The following EFHD2 variants were observed in gnomAD, a reference collection of about 807,000 sequenced individuals.
The protein encoded by EFHD2 is EF-hand domain family member D2.
A neutral mutation model predicts 20.3 loss-of-function variants in EFHD2; 12 were observed. That is an observed-to-expected ratio of 0.59 (90% CI 0.38 to 0.96). The LOEUF (loss-of-function observed/expected upper bound fraction) is 0.96. Ranked by LOEUF, EFHD2 falls within the 40% of genes least tolerant of loss-of-function variation. EFHD2 has a pLI of 0.00. For synonymous variants in EFHD2, 131 were observed against 143.9 expected (o/e 0.91, Z 0.64); for missense variants, 250 against 334.3 (o/e 0.75, Z 1.97).
chr1:15,418,196 G>C (rs1707714936), intron 1 of EFHD2, among the ~76,000 whole-genome samples: 1 of 151,062 alleles, frequency 6.6e-6, no homozygotes, highest in Non-Finnish European at 1.5e-5. Flanking sequence ...CACCATGTTG[G>C]CCAAGCTGGT....
At chr1:15,416,125 T>C (rs1707664782) in intron 1 of EFHD2, among the ~76,000 whole-genome samples, 1 of 152,144 alleles carries the variant, frequency 6.6e-6, no homozygotes, top group African/African-American at 2.4e-5. Flanking sequence ...GAGTCACCTC[T>C]CCTTCCCCAC....
intron 1 of EFHD2, among the ~76,000 whole-genome samples, chr1:15,418,382 T>A (rs1278310022): frequency 2.1e-5 from 3 of 139,688 alleles, no homozygotes; most frequent in Non-Finnish European, 4.6e-5. Context: ...CTCGGCTCAC[T>A]GCAAGCTCCG....
Position 15,413,517 on chromosome 1 carries a change from C to T in EFHD2, c.308+3238C>T, listed in dbSNP as rs1707584654. On this transcript the variant is annotated intron_variant, in intron 1 of 3. Transcript: ENST00000375980. The surrounding 1 kb of genome is among the most constrained non-coding windows in gnomAD (Gnocchi z 4.4). ...GGTCCACCCCTCCGTGTTGATTCAG[C>T]AGGTACTTCCTGAGGCTGGAGATCG... Among the ~76,000 whole-genome samples, 1 of 152,096 alleles carries T rather than the reference C, an allele frequency of 6.6e-6. No homozygotes were observed. The highest frequency in any genetic ancestry group is 6.5e-5 in the Admixed American group (1 of 15,278).
rs1386550058 is a variant in EFHD2, at chr1:15,428,909, A to G, written c.*185A>G. ...GCCCGGCCCCTCCCCGCTCCCTTCC[A>G]CTCTGCACGAGGCCGCCACACCGGC... On this transcript the variant is annotated 3_prime_UTR_variant, in exon 4 of 4. Transcript: ENST00000375980. 4 of 872,962 alleles carry G rather than the reference A, an allele frequency of 4.6e-6. No homozygotes were observed. The highest frequency in any genetic ancestry group is 5.9e-5 in the East Asian group (2 of 34,128). The allele number at this position is 872,962 out of a possible 1,614,324, so 54.1% of individuals were successfully genotyped here.
chr1:15,425,727 G>A (rs1707862730), intron 1 of EFHD2, 144 bp from the exon 2 acceptor site: 2 of 1,205,924 alleles, frequency 1.7e-6, no homozygotes, highest in Non-Finnish European at 2.3e-6. Context: ...TGGGTCCTCT[G>A]CCTGGACTGA....
intron 1 of EFHD2, among the ~76,000 whole-genome samples, chr1:15,412,415 G>A (rs1039188077): frequency 1.3e-5 from 2 of 152,160 alleles, no homozygotes; most frequent in South Asian, 2.1e-4. Context: ...TAAATAACTC[G>A]CCAAGACCAC....
chr1:15,421,774 C>A (rs182963519), intron 1 of EFHD2, among the ~76,000 whole-genome samples: 69 of 152,334 alleles, frequency 4.5e-4, no homozygotes, highest in African/African-American at 1.6e-3. Context: ...GGGCGTGAAC[C>A]CCTGACCTGC....
intron 1 of EFHD2, among the ~76,000 whole-genome samples, chr1:15,411,887 A>G (rs1343317441): frequency 6.6e-6 from 1 of 152,148 alleles, no homozygotes; most frequent in Non-Finnish European, 1.5e-5. Flanking sequence ...TGTTTGAGAA[A>G]GGCTCTGACC....
chr1:15,417,981 C>CTTTTTTTTTT (rs57589251), intron 1 of EFHD2, among the ~76,000 whole-genome samples: 38 of 97,070 alleles, frequency 3.9e-4, no homozygotes, highest in Non-Finnish European at 6.4e-4. Flanking sequence ...CTTTCTTTTT[C>CTTTTTTTTTT]TTTTTTTTTT....
At chr1:15,411,615 G>A (rs1001301297) in intron 1 of EFHD2, among the ~76,000 whole-genome samples, 6 of 151,650 alleles carry the variant, frequency 4.0e-5, no homozygotes, top group Non-Finnish European at 7.4e-5. Flanking sequence ...GAACAGCCTC[G>A]TTCCACGATC....
At chr1:15,419,914 C>A (rs1036590218) in intron 1 of EFHD2, among the ~76,000 whole-genome samples, 2 of 152,234 alleles carry the variant, frequency 1.3e-5, no homozygotes, top group Non-Finnish European at 2.9e-5. Flanking sequence ...CCTGAGGCTC[C>A]TCTCTCCCTG....
chr1:15,422,855 C>T (rs555965921), intron 1 of EFHD2, among the ~76,000 whole-genome samples: 5 of 152,000 alleles, frequency 3.3e-5, no homozygotes, highest in South Asian at 2.1e-4. Context: ...AGCGAGACTC[C>T]GTCTCAAAAA....
intron 1 of EFHD2, among the ~76,000 whole-genome samples, chr1:15,416,572 T>C (rs1359718287): frequency 6.6e-6 from 1 of 152,192 alleles, no homozygotes; most frequent in East Asian, 1.9e-4. Context: ...TCCTTTCTTA[T>C]CCTGCAACAT....
At chr1:15,420,442 A>G (rs1707770167) in intron 1 of EFHD2, among the ~76,000 whole-genome samples, 1 of 152,184 alleles carries the variant, frequency 6.6e-6, no homozygotes, top group African/African-American at 2.4e-5. Context: ...CCCGGGCTAA[A>G]GTGATCCTCC....
chr1:15,418,522 G>T (rs375330049), intron 1 of EFHD2, among the ~76,000 whole-genome samples: 6 of 149,506 alleles, frequency 4.0e-5, no homozygotes, highest in Admixed American at 1.3e-4. Context: ...AGCCAGGATG[G>T]TCTCAATCTC....
chr1:15,426,746 G>A lies in EFHD2; in HGVS notation c.457-404G>A, dbSNP rs942852801. On this transcript the variant is annotated intron_variant, in intron 2 of 3. Transcript: ENST00000375980. This position sits in a 1 kb window ranked among gnomAD's most constrained non-coding sequence, Gnocchi z 4.6. ...TTCCATCCCTCTGACACGTTCAGGC[G>A]CTGAGACTTGGGGTGTCTTTTACTG... is the stretch of plus-strand genomic sequence containing the variant. Among the ~76,000 whole-genome samples, 2 of 152,274 alleles carry A rather than the reference G, an allele frequency of 1.3e-5. No homozygotes were observed. Among genetic ancestry groups the A allele is most frequent in the Admixed American group, 6.5e-5 (1 of 15,300 alleles).
At chr1:15,425,796 A>G (rs1707863639) in intron 1 of EFHD2, 75 bp from the exon 2 acceptor site, 2 of 1,548,646 alleles carry the variant, frequency 1.3e-6, no homozygotes, top group African/African-American at 1.4e-5. Flanking sequence ...CTGATCCCCC[A>G]GTCTCCTTGC....
intron 1 of EFHD2, among the ~76,000 whole-genome samples, chr1:15,424,760 G>A (rs887918421): frequency 6.6e-6 from 1 of 152,142 alleles, no homozygotes; most frequent in African/African-American, 2.4e-5. Context: ...AGCACCTACT[G>A]TGTGCTTTTT....
intron 1 of EFHD2, among the ~76,000 whole-genome samples, chr1:15,414,568 C>A (rs1327779352): frequency 6.6e-6 from 1 of 152,262 alleles, no homozygotes; most frequent in African/African-American, 2.4e-5. Context: ...TCAGCATACA[C>A]CCTCTCCTGG....
Sources: gnomAD v4.1 joint callset for allele counts (sites outside exome capture counted in the v4.1 genomes callset) on GRCh38, gnomAD v4.1.1 for gene constraint, Gnocchi (gnomAD v3.1) non-coding constraint, MANE v1.5 for transcripts, NCBI Gene and HGNC (gene_info 2026-07-23, HGNC 2026-07-21) for gene names.